The following PTPRD variants were observed in gnomAD, a reference collection of about 807,000 sequenced individuals.
PTPRD encodes receptor-type tyrosine-protein phosphatase delta.
A neutral mutation model predicts 214.5 loss-of-function variants in PTPRD; 34 were observed. That is an observed-to-expected ratio of 0.16 (90% confidence interval 0.12 to 0.21). The LOEUF (loss-of-function observed/expected upper bound fraction) is 0.21. PTPRD is among the 10% of genes least tolerant of loss of function. PTPRD has a pLI of 1.00. For synonymous variants in PTPRD, 1,128 were observed against 845.7 expected, an observed-to-expected ratio of 1.33 and a Z score of -5.79; for missense variants, 2,545 against 2,398.7, an observed-to-expected ratio of 1.06 and a Z score of -1.27.
intron 10 of PTPRD, among the ~76,000 whole-genome samples, chr9:9,025,814 A>C (rs1421458622): frequency 6.6e-6 from 1 of 152,050 alleles, no homozygotes; most frequent in African/African-American, 2.4e-5. Context: ...CTTATCTTTC[A>C]TAACTGCGTG....
chr9:9,265,778 G>C (rs1205036011), intron 9 of PTPRD, among the ~76,000 whole-genome samples: 1 of 149,788 alleles, frequency 6.7e-6, no homozygotes, highest in Non-Finnish European at 1.5e-5. Flanking sequence ...CAAAAGGAAA[G>C]ACAACAACAA....
intron 3 of PTPRD, among the ~76,000 whole-genome samples, chr9:10,328,692 G>T (rs928942287): frequency 6.6e-6 from 1 of 151,676 alleles, no homozygotes; most frequent in Non-Finnish European, 1.5e-5. Flanking sequence ...GCCTTCAGAT[G>T]GGAATGAATT....
At chr9:9,999,379 T>C (rs761991036) in intron 4 of PTPRD, among the ~76,000 whole-genome samples, 4 of 152,224 alleles carry the variant, frequency 2.6e-5, no homozygotes, top group Non-Finnish European at 4.4e-5. Context: ...GGGCTGCTCA[T>C]CTTACTCAGT....
At chr9:10,094,810 C>A (rs1240694588) in intron 3 of PTPRD, among the ~76,000 whole-genome samples, 1 of 151,382 alleles carries the variant, frequency 6.6e-6, no homozygotes, top group Non-Finnish European at 1.5e-5. Flanking sequence ...AATGTTTTGA[C>A]AACCAACAGT....
intron 5 of PTPRD, among the ~76,000 whole-genome samples, chr9:9,929,408 T>C (rs569348270): frequency 1.3e-5 from 2 of 152,256 alleles, no homozygotes; most frequent in African/African-American, 4.8e-5. Flanking sequence ...CACTTGTTTT[T>C]TGAGACAGAG....
intron 11 of PTPRD, among the ~76,000 whole-genome samples, chr9:8,847,355 C>G (rs768353533): frequency 6.6e-6 from 1 of 151,914 alleles, no homozygotes; most frequent in Non-Finnish European, 1.5e-5. Flanking sequence ...GATAACCTAA[C>G]TATAAAAAAA....
intron 5 of PTPRD, among the ~76,000 whole-genome samples, chr9:9,856,128 G>A (rs368817085): frequency 5.3e-5 from 8 of 152,270 alleles, no homozygotes; most frequent in Admixed American, 4.6e-4. Flanking sequence ...CTGAAGTCCG[G>A]CCATCTGCGG....
intron 2 of PTPRD, among the ~76,000 whole-genome samples, chr9:10,496,979 G>A (rs1320149552): frequency 1.3e-5 from 2 of 151,946 alleles, no homozygotes; most frequent in African/African-American, 4.8e-5. Context: ...AAAAAAGAAT[G>A]GAATAATGTC....
chr9:9,032,645 T>A (rs2099609389), intron 10 of PTPRD, among the ~76,000 whole-genome samples: 1 of 151,970 alleles, frequency 6.6e-6, no homozygotes, highest in African/African-American at 2.4e-5. Flanking sequence ...TAAAAGGATG[T>A]GACATTTTCT....
intron 8 of PTPRD, among the ~76,000 whole-genome samples, chr9:9,443,581 C>A (rs909389756): frequency 6.6e-6 from 1 of 152,118 alleles, no homozygotes; most frequent in Admixed American, 6.5e-5. Context: ...TGGGTTGTTA[C>A]GTAAGAAGTC....
chr9:8,829,189 G>C (rs1481614307), intron 11 of PTPRD, among the ~76,000 whole-genome samples: 1 of 152,086 alleles, frequency 6.6e-6, no homozygotes, highest in Non-Finnish European at 1.5e-5. Context: ...CAAATGTTAT[G>C]TCTACATAAC....
intron 8 of PTPRD, among the ~76,000 whole-genome samples, chr9:9,413,576 C>G (rs1236806845): frequency 1.3e-5 from 2 of 152,024 alleles, no homozygotes; most frequent in Non-Finnish European, 2.9e-5. Flanking sequence ...CAAAGAAAAC[C>G]AAACTAGAAA....
At chr9:8,341,621 G>C (rs1852547859) in intron 40 of PTPRD, 72 bp downstream of exon 40, 1 of 1,539,046 alleles carries the variant, frequency 6.5e-7, no homozygotes. Context: ...AAAGGTTAAA[G>C]TAAAGCCACG....
chr9:8,716,210 G>T (rs186595521), intron 12 of PTPRD, among the ~76,000 whole-genome samples: 93 of 152,244 alleles, frequency 6.1e-4, no homozygotes, highest in African/African-American at 2.2e-3. Context: ...CCCACCCTTG[G>T]GCTAGGAGAC....
chr9:10,393,278 T>C (rs1400762262), intron 2 of PTPRD, among the ~76,000 whole-genome samples: 1 of 151,422 alleles, frequency 6.6e-6, no homozygotes, highest in Non-Finnish European at 1.5e-5. Flanking sequence ...TAACAATTGG[T>C]CTGCTATTTT....
intron 8 of PTPRD, among the ~76,000 whole-genome samples, chr9:9,552,673 C>G (rs2080592223): frequency 6.6e-6 from 1 of 151,942 alleles, no homozygotes; most frequent in African/African-American, 2.4e-5. Context: ...GGTTAGTGCT[C>G]AAGAAGACTA....
At chr9:8,360,212 T>G (rs7035451) in intron 39 of PTPRD, among the ~76,000 whole-genome samples, 1 of 152,132 alleles carries the variant, frequency 6.6e-6, no homozygotes. Flanking sequence ...TAAAGTACCA[T>G]TGAATTAGGT....
At chr9:9,630,521 G>C (rs2095557584) in intron 7 of PTPRD, among the ~76,000 whole-genome samples, 1 of 152,130 alleles carries the variant, frequency 6.6e-6, no homozygotes, top group African/African-American at 2.4e-5. Context: ...ATTGTAAACT[G>C]AACTAGAATT....
At chr9:10,023,174 G>C (rs1371428658) in intron 4 of PTPRD, among the ~76,000 whole-genome samples, 1 of 152,140 alleles carries the variant, frequency 6.6e-6, no homozygotes, top group Non-Finnish European at 1.5e-5. Flanking sequence ...ATGTACACGT[G>C]TGTATATACA....
Sources: allele counts gnomAD v4.1 joint callset (sites outside exome capture counted in the v4.1 genomes callset), GRCh38; gene constraint gnomAD v4.1.1; transcripts MANE v1.5; gene names NCBI Gene and HGNC (gene_info 2026-07-23, HGNC 2026-07-21).